Variants in MEGF6 observed in about 807,000 individuals in gnomAD.
MEGF6 encodes the protein multiple epidermal growth factor-like domains protein 6.
A neutral mutation model predicts 207.1 loss-of-function variants in MEGF6; 184 were observed. The ratio of observed to expected loss-of-function variants is 0.89; its 90% CI spans 0.79 to 1.00. The LOEUF (loss-of-function observed/expected upper bound fraction) is 1.00, where lower values mean the gene tolerates loss of function less well. MEGF6 is among the 50% of genes least tolerant of loss of function. The probability of loss-of-function intolerance (pLI) is 0.00; values close to 1 mark genes in which losing one functional copy is unlikely to be tolerated. For synonymous variants in MEGF6, 1,038 were observed against 910.0 expected, an observed-to-expected ratio of 1.14 and a Z score of -2.53; for missense variants, 2,282 against 2,202.9, an observed-to-expected ratio of 1.04 and a Z score of -0.72.
At position 3,578,896 on chromosome 1, in the gene MEGF6, C is replaced by T. The variant is rs77219097; in HGVS notation, c.481+929G>A. Among the ~76,000 whole-genome samples the T allele has an allele frequency of 9.5e-3, 725 of 76,260 alleles. 7 individuals carry two copies. Among genetic ancestry groups the T allele is most frequent in the Non-Finnish European group, 0.013 (368 of 27,312 alleles). The allele number at this position is 76,260 out of a possible 152,430, so 50.0% of individuals were successfully genotyped here. ...TCTGCAGAACCCCTCCTCAGCCCGG[C>T]CCCCAGCGCAACGTGGAGTGGGCAG... On this transcript the variant is annotated intron_variant, in intron 4 of 36. Transcript: ENST00000356575.
rs199708181 is a variant in MEGF6, at chr1:3,492,777, G to A, written c.4388-10C>T. 3.2e-5 allele frequency: 52 copies of A among 1,603,396 alleles called. No individual in the cohort carries two copies. Among genetic ancestry groups the A allele is most frequent in the Middle Eastern group, 3.7e-4 (2 of 5,470 alleles). The stretch of plus-strand genomic sequence containing the variant: ...TGGCCCCTTCTGCAATCTGCAAGGC[G>A]GAGGGGGCGGGAGACAAACCTGAGC... On this transcript the variant is annotated splice_polypyrimidine_tract_variant and intron_variant, in intron 34 of 36. Coordinates refer to ENST00000356575, the MANE Select transcript of MEGF6 (RefSeq NM_001409.4).
chr1:3,559,100 C>T (rs1643116326), intron 4 of MEGF6, among the ~76,000 whole-genome samples: 1 of 152,178 alleles, frequency 6.6e-6, no homozygotes, highest in Non-Finnish European at 1.5e-5. Context: ...TCACTCATCC[C>T]CTCCCTCTGC....
At chr1:3,490,622 G>A (rs1335284002) in intron 36 of MEGF6, 33 bp from the exon 37 acceptor site, 1 of 1,606,124 alleles carries the variant, frequency 6.2e-7, no homozygotes. Context: ...GCCAGTCCAG[G>A]GTGGGGCGGG....
chr1:3,602,741 A>AT, intron 1 of MEGF6, 141 bp from the exon 2 acceptor site: 1 of 1,274,404 alleles, frequency 7.8e-7, no homozygotes, highest in Non-Finnish European at 1.1e-6. Context: ...CACAGTGCCC[A>AT]TGCCAGTGCC....
intron 24 of MEGF6, 117 bp downstream of exon 24, chr1:3,499,021 G>A (rs1640736151): frequency 1.4e-6 from 2 of 1,463,416 alleles, no homozygotes; most frequent in Admixed American, 2.0e-5. Context: ...ACGGTCCTCA[G>A]TCCTAACAGC....
intron 3 of MEGF6, among the ~76,000 whole-genome samples, chr1:3,585,174 T>A (rs1643875024): frequency 6.8e-6 from 1 of 147,304 alleles, no homozygotes; most frequent in East Asian, 2.2e-4. Context: ...ACACGTCCTG[T>A]GTGTGGGTGT....
At position 3,579,814 on chromosome 1, in the gene MEGF6, G is replaced by A. The variant is rs1327936612; in HGVS notation, c.481+11C>T. 6.8e-7 allele frequency: 1 copy of A among 1,480,034 alleles called. No homozygotes were observed. The highest frequency in any genetic ancestry group is 8.9e-7 in the Non-Finnish European group (1 of 1,119,232). 91.7% of individuals were successfully genotyped at this position (1,480,034 alleles called of 1,614,324 possible). ...TGGCCAGGGCCTTGGTCCCCCAGGG[G>A]CTCCACTCACCATACTGACAGCGGG... On this transcript the variant is annotated intron_variant, in intron 4 of 36. Coordinates refer to ENST00000356575, the MANE Select transcript of MEGF6 (RefSeq NM_001409.4).
At chr1:3,618,684 C>T in the MEGF6 span, among the ~76,000 whole-genome samples, 4 of 152,204 alleles carry the variant, frequency 2.6e-5, no homozygotes, top group East Asian at 7.7e-4. This position sits in a 1 kb window ranked among gnomAD's most constrained non-coding sequence, Gnocchi z 4.7. Flanking sequence ...AGGGCTGTGT[C>T]TGCAAGACAC....
intron 1 of MEGF6, among the ~76,000 whole-genome samples, chr1:3,607,259 C>T (rs2185638): frequency 0.096 from 14,621 of 151,922 alleles, 914 homozygotes; most frequent in Admixed American, 0.17. Flanking sequence ...CAGCCCTTCC[C>T]GCACATCACA....
chr1:3,571,362 C>T (rs1643488121), intron 4 of MEGF6, among the ~76,000 whole-genome samples: 1 of 152,174 alleles, frequency 6.6e-6, no homozygotes, highest in African/African-American at 2.4e-5. Flanking sequence ...CACCCCCGAG[C>T]ACAGAGAGCA....
intron 4 of MEGF6, 76 bp from the exon 5 acceptor site, chr1:3,524,322 CG>C (rs1641880608): frequency 4.5e-6 from 7 of 1,561,478 alleles, no homozygotes; most frequent in Middle Eastern, 1.8e-4. Flanking sequence ...CCCCAGGTGC[CG>C]GGGGCCCAGA....
At chr1:3,610,371 C>CG (rs1489784373) in intron 1 of MEGF6, among the ~76,000 whole-genome samples, 11 of 152,130 alleles carry the variant, frequency 7.2e-5, no homozygotes, top group Non-Finnish European at 1.6e-4. Context: ...GGCCCCTGGA[C>CG]GGGGAGGCTG....
chr1:3,504,740 T>G (rs980881801), intron 17 of MEGF6, among the ~76,000 whole-genome samples: 1 of 152,054 alleles, frequency 6.6e-6, no homozygotes, highest in African/African-American at 2.4e-5. Flanking sequence ...GGCCAAAGCA[T>G]CCACGTGCAG....
intron 14 of MEGF6, among the ~76,000 whole-genome samples, chr1:3,506,505 A>T (rs976976249): frequency 6.6e-6 from 1 of 151,618 alleles, no homozygotes; most frequent in African/African-American, 2.4e-5. Context: ...CTCACGCCCC[A>T]CTCTCCCCAA....
At chr1:3,570,586 C>A (rs1643467641) in intron 4 of MEGF6, among the ~76,000 whole-genome samples, 3 of 152,134 alleles carry the variant, frequency 2.0e-5, no homozygotes, top group Admixed American at 2.0e-4. Flanking sequence ...GGTGCTCTGT[C>A]CACCCGCCGG....
intron 21 of MEGF6, 130 bp from the exon 22 acceptor site, chr1:3,500,054 G>A (rs1371050694): frequency 2.3e-6 from 3 of 1,328,146 alleles, no homozygotes; most frequent in Non-Finnish European, 3.0e-6. Flanking sequence ...TCCTGCCCAA[G>A]GGAGACTGGG....
At position 3,525,706 on chromosome 1, in the gene MEGF6, G is replaced by A. The variant is rs117764157; in HGVS notation, c.482-1460C>T. Among the ~76,000 whole-genome samples the A allele has an allele frequency of 3.3e-4, 51 of 152,364 alleles. No homozygotes were observed. In the East Asian group the frequency reaches 9.7e-3, roughly 29 times the overall value. On this transcript the variant is annotated intron_variant, in intron 4 of 36. Transcript: ENST00000356575. ...ATGCACCATGAGCTGAGAGCCGGTGGTGCTCCAGGCATCCTTCCCCTGAGA... is the reference window on the plus strand; with the variant it reads ...ATGCACCATGAGCTGAGAGCCGGTGATGCTCCAGGCATCCTTCCCCTGAGA...
At chr1:3,546,760 G>A (rs549823141) in intron 4 of MEGF6, among the ~76,000 whole-genome samples, 1 of 150,206 alleles carries the variant, frequency 6.7e-6, no homozygotes, top group African/African-American at 2.5e-5. Context: ...GTGCCAGGGA[G>A]GCCACCATGG....
At chr1:3,523,683 G>A (rs972450867) in intron 5 of MEGF6, among the ~76,000 whole-genome samples, 4 of 152,188 alleles carry the variant, frequency 2.6e-5, no homozygotes, top group African/African-American at 7.2e-5. Context: ...CTCGGCCAGC[G>A]TCCCCCACCA....
Sources: allele counts gnomAD v4.1 joint callset (sites outside exome capture counted in the v4.1 genomes callset), GRCh38; gene constraint gnomAD v4.1.1; non-coding constraint Gnocchi (gnomAD v3.1); transcripts MANE v1.5; gene names NCBI Gene and HGNC (gene_info 2026-07-23, HGNC 2026-07-21).